Variants in NRG3 observed in about 807,000 individuals in gnomAD.
NRG3 encodes neuregulin 3.
Under a neutral mutation model 66.9 loss-of-function variants are expected in NRG3, and 31 were observed. The ratio of observed to expected loss-of-function variants is 0.46; its 90% CI spans 0.35 to 0.63. The LOEUF (loss-of-function observed/expected upper bound fraction) is 0.63, where lower values mean the gene tolerates loss of function less well. NRG3 is among the 20% of genes least tolerant of loss of function. The pLI is 0.00. For missense variants in NRG3, 910 were observed against 878.9 expected (o/e 1.04, Z -0.45); for synonymous variants, 393 against 359.4 (o/e 1.09, Z -1.06).
At chr10:82,163,125 GA>G (rs2071734802) in intron 1 of NRG3, among the ~76,000 whole-genome samples, 1 of 152,064 alleles carries the variant, frequency 6.6e-6, no homozygotes, top group Non-Finnish European at 1.5e-5. Context: ...CCTCTTTTCA[GA>G]AGGTCTAATT....
chr10:82,958,649 C>G (rs1296462482), intron 5 of NRG3, among the ~76,000 whole-genome samples: 2 of 152,142 alleles, frequency 1.3e-5, no homozygotes, highest in Non-Finnish European at 2.9e-5. Context: ...TTCTTTGCAG[C>G]TAAAACTCAG....
chr10:82,203,856 T>G (rs1052269557), intron 1 of NRG3, among the ~76,000 whole-genome samples: 1 of 152,186 alleles, frequency 6.6e-6, no homozygotes, highest in Non-Finnish European at 1.5e-5. Context: ...AATTCTGTTT[T>G]TAAAAACAGA....
At chr10:82,145,835 T>C (rs2070211278) in intron 1 of NRG3, among the ~76,000 whole-genome samples, 1 of 152,164 alleles carries the variant, frequency 6.6e-6, no homozygotes. Context: ...GAGGCAGTTT[T>C]TTTTTTCCCA....
intron 1 of NRG3, among the ~76,000 whole-genome samples, chr10:82,010,304 T>G (rs1315060533): frequency 6.6e-6 from 1 of 152,176 alleles, no homozygotes; most frequent in African/African-American, 2.4e-5. Flanking sequence ...CACTGTGCTG[T>G]TGTAAAAGGG....
At chr10:82,625,122 T>C (rs2049327529) in intron 2 of NRG3, among the ~76,000 whole-genome samples, 1 of 151,964 alleles carries the variant, frequency 6.6e-6, no homozygotes, top group African/African-American at 2.4e-5. Context: ...TGGTCTCCTC[T>C]AATCTTCCAG....
In NRG3 at chr10:82,006,965, A is replaced by G. The variant is rs539451137; in HGVS notation, c.823+130802A>G. 2.2e-4 allele frequency among the ~76,000 whole-genome samples: 34 copies of G among 152,298 alleles called. No homozygotes were observed. The South Asian group carries it at 6.4e-3, about 29-fold the overall frequency. On this transcript the variant is annotated intron_variant, in intron 1 of 8. Transcript: ENST00000372141. Reference sequence around the variant, plus strand: ...AAAAATTGCCATCTTCCTTGAAAACACTAATAGGATTTGGTTAGAATTGCT... The same window carrying G: ...AAAAATTGCCATCTTCCTTGAAAACGCTAATAGGATTTGGTTAGAATTGCT...
chr10:82,091,168 G>A (rs1481639410), intron 1 of NRG3, among the ~76,000 whole-genome samples: 1 of 151,728 alleles, frequency 6.6e-6, no homozygotes, highest in Non-Finnish European at 1.5e-5. Context: ...ATATTTTTCA[G>A]TGCAACCATT....
intron 1 of NRG3, among the ~76,000 whole-genome samples, chr10:82,266,392 A>T (rs568246647): frequency 6.6e-6 from 1 of 152,130 alleles, no homozygotes; most frequent in African/African-American, 2.4e-5. Context: ...TATGGGGGCT[A>T]CAGCGTGCAG....
At chr10:82,012,348 G>A (rs1264369842) in intron 1 of NRG3, among the ~76,000 whole-genome samples, 2 of 151,678 alleles carry the variant, frequency 1.3e-5, no homozygotes, top group Non-Finnish European at 1.5e-5. Flanking sequence ...CCCAGCCCAT[G>A]AAACCATTTT....
At chr10:82,189,713 C>T (rs1299453915) in intron 1 of NRG3, among the ~76,000 whole-genome samples, 1 of 152,080 alleles carries the variant, frequency 6.6e-6, no homozygotes, top group Non-Finnish European at 1.5e-5. Context: ...TCGCTTGAAC[C>T]TGGGAGGTGG....
At position 81,896,830 on chromosome 10, in the gene NRG3, C is replaced by T. The variant is rs549382974; in HGVS notation, c.823+20667C>T. 1.8e-4 allele frequency among the ~76,000 whole-genome samples: 28 copies of T among 152,256 alleles called. No homozygotes were observed. In the South Asian group the frequency reaches 1.9e-3, roughly 10 times the overall value. On this transcript the variant is annotated intron_variant, in intron 1 of 8. Transcript: ENST00000372141. ...CATTCGTCAACTATTTCTTAAGCAC[C>T]TACTACTTGCCAGATGCTGTTTTAG...
rs578182467 is a variant in NRG3, at chr10:82,482,673, T to C, written c.953+123805T>C. On this transcript the variant is annotated intron_variant, in intron 2 of 8. Coordinates refer to ENST00000372141, the MANE Select transcript of NRG3 (RefSeq NM_001010848.4). ...GACCTGCTATATCAGAGTCTTAGGG[T>C]TGAGGGCCAGCCGCCTATTATAACC... 9.9e-5 allele frequency among the ~76,000 whole-genome samples: 15 copies of C among 152,154 alleles called. 1 individual carries two copies. In the South Asian group the frequency reaches 2.3e-3, roughly 23 times the overall value.
chr10:82,295,225 A>T (rs1276012443), intron 1 of NRG3, among the ~76,000 whole-genome samples: 1 of 152,226 alleles, frequency 6.6e-6, no homozygotes, highest in Non-Finnish European at 1.5e-5. Flanking sequence ...CAACAGTTGA[A>T]TTCCTAAAAC....
intron 2 of NRG3, among the ~76,000 whole-genome samples, chr10:82,557,610 T>C (rs778512193): frequency 3.3e-5 from 5 of 152,204 alleles, no homozygotes; most frequent in Non-Finnish European, 5.9e-5. Context: ...TTTCTTTTGC[T>C]GTGCAGAAGC....
intron 2 of NRG3, among the ~76,000 whole-genome samples, chr10:82,365,523 G>C (rs1419558174): frequency 1.3e-5 from 2 of 152,170 alleles, no homozygotes; most frequent in Non-Finnish European, 2.9e-5. Flanking sequence ...CTTCCTCTCT[G>C]TGGACATAGC....
intron 2 of NRG3, among the ~76,000 whole-genome samples, chr10:82,611,472 TG>T (rs1403672815): frequency 3.9e-5 from 6 of 152,004 alleles, no homozygotes; most frequent in African/African-American, 9.7e-5. Context: ...CCTGTGTCCA[TG>T]TGTTCTCATT....
At position 82,191,346 on chromosome 10, in the gene NRG3, ACT is replaced by A. The variant is rs1191534774; in HGVS notation, c.824-167389_824-167388del. Among the ~76,000 whole-genome samples the A allele has an allele frequency of 1.2e-4, 19 of 152,186 alleles. No individual in the cohort carries two copies. In the East Asian group the frequency reaches 3.7e-3, roughly 29 times the overall value. On this transcript the variant is annotated intron_variant, in intron 1 of 8. Coordinates refer to ENST00000372141, the MANE Select transcript of NRG3 (RefSeq NM_001010848.4). ...CTCAGGCAGTTCAAGCAAGCCTATG[ACT>A]CTCAAATGAACAGTGGTGCTTTCAT...
chr10:82,391,993 C>CAAAAAAAA (rs775895969), intron 2 of NRG3, among the ~76,000 whole-genome samples: 6 of 38,842 alleles, frequency 1.5e-4, no homozygotes, highest in South Asian at 8.3e-4. Context: ...CGAGCACATG[C>CAAAAAAAA]AAAAAAAAAA....
chr10:82,217,347 T>C (rs771830425), intron 1 of NRG3, among the ~76,000 whole-genome samples: 11 of 152,170 alleles, frequency 7.2e-5, no homozygotes, highest in Non-Finnish European at 1.0e-4. Context: ...GATGTTCCAA[T>C]ATTTGTTCTC....
Sources: allele counts gnomAD v4.1 joint callset (sites outside exome capture counted in the v4.1 genomes callset), GRCh38; gene constraint gnomAD v4.1.1; transcripts MANE v1.5; gene names NCBI Gene and HGNC (gene_info 2026-07-23, HGNC 2026-07-21).